The following CHN2 variants were observed in gnomAD, a reference collection of about 807,000 sequenced individuals.
The protein encoded by CHN2 is chimerin 2.
In CHN2, 35 loss-of-function variants were observed where a neutral mutation model predicts 56.3. The observed-to-expected ratio is 0.62, with a 90% CI of 0.47 to 0.82. CHN2 has a LOEUF of 0.82. Ranked by LOEUF, CHN2 falls within the 40% of genes least tolerant of loss-of-function variation. The pLI is 0.00. For missense variants in CHN2, 491 were observed against 580.5 expected (o/e 0.85, Z 1.58); for synonymous variants, 210 against 212.8 (o/e 0.99, Z 0.12).
At chr7:29,417,963 AG>A (rs1011403862) in intron 6 of CHN2, among the ~76,000 whole-genome samples, 1 of 152,148 alleles carries the variant, frequency 6.6e-6, no homozygotes, top group African/African-American at 2.4e-5. Context: ...AGCACATGTG[AG>A]GCTGGAGAGT....
At chr7:29,317,734 G>A (rs1344202481) in intron 1 of CHN2, among the ~76,000 whole-genome samples, 2 of 152,094 alleles carry the variant, frequency 1.3e-5, no homozygotes, top group Non-Finnish European at 2.9e-5. Flanking sequence ...AATTGAAGTG[G>A]GACATATGAG....
chr7:29,280,336 A>G (rs1791593520), intron 1 of CHN2, among the ~76,000 whole-genome samples: 1 of 152,036 alleles, frequency 6.6e-6, no homozygotes, highest in Non-Finnish European at 1.5e-5. Flanking sequence ...GTGAGCTGAG[A>G]TCACACCACT....
chr7:29,279,181 T>A (rs1490209501), intron 1 of CHN2, among the ~76,000 whole-genome samples: 5 of 152,194 alleles, frequency 3.3e-5, no homozygotes, highest in Non-Finnish European at 7.3e-5. Flanking sequence ...ATTTACAGAG[T>A]TGAAAGGGCA....
intron 6 of CHN2, among the ~76,000 whole-genome samples, chr7:29,429,840 A>G (rs142968307): frequency 4.7e-4 from 72 of 152,324 alleles, no homozygotes; most frequent in African/African-American, 1.7e-3. Flanking sequence ...TGTGCTTTAT[A>G]TGGACTTTAT....
At chr7:29,250,426 C>T (rs1460808816) in intron 1 of CHN2, among the ~76,000 whole-genome samples, 4 of 152,144 alleles carry the variant, frequency 2.6e-5, no homozygotes, top group Non-Finnish European at 4.4e-5. Flanking sequence ...GGAGATTAAC[C>T]TAGTTATGCT....
intron 6 of CHN2, among the ~76,000 whole-genome samples, chr7:29,473,613 C>T (rs916024113): frequency 4.6e-5 from 7 of 151,602 alleles, no homozygotes; most frequent in South Asian, 2.1e-4. Context: ...ACCTGTGTAC[C>T]GATCAGAAAT....
At chr7:29,439,459 T>C (rs1212395421) in intron 6 of CHN2, among the ~76,000 whole-genome samples, 1 of 152,202 alleles carries the variant, frequency 6.6e-6, no homozygotes, top group South Asian at 2.1e-4. Context: ...TGGGGTCTTC[T>C]TCCCCACAAG....
intron 6 of CHN2, among the ~76,000 whole-genome samples, chr7:29,470,379 C>T (rs1027789195): frequency 6.6e-6 from 1 of 152,214 alleles, no homozygotes; most frequent in African/African-American, 2.4e-5. Flanking sequence ...TGAGCAGTAT[C>T]AGCTGCACAG....
rs189471613 is a variant in CHN2, at chr7:29,409,532, C to T, written c.576+8704C>T. Among the ~76,000 whole-genome samples the T allele has an allele frequency of 1.2e-3, 180 of 152,274 alleles. 1 individual carries two copies. Among genetic ancestry groups the T allele is most frequent in the Non-Finnish European group, 1.7e-3 (118 of 68,034 alleles). ...AGACAGCTGGCTTCTCACATCTGCT[C>T]CTGTATTCAACCTGGGATATATTGT... On this transcript the variant is annotated intron_variant, in intron 6 of 12. Coordinates refer to ENST00000222792, the MANE Select transcript of CHN2 (RefSeq NM_004067.4).
chr7:29,214,592 A>G (rs1785202799), intron 1 of CHN2, among the ~76,000 whole-genome samples: 2 of 152,188 alleles, frequency 1.3e-5, no homozygotes, highest in South Asian at 2.1e-4. Context: ...AATCTTCACC[A>G]ACAGTTTATT....
At chr7:29,447,881 G>A (rs1784138735) in intron 6 of CHN2, among the ~76,000 whole-genome samples, 2 of 152,172 alleles carry the variant, frequency 1.3e-5, no homozygotes, top group South Asian at 2.1e-4. Flanking sequence ...ACAACCCTGG[G>A]TGCATATTAG....
chr7:29,219,936 G>A lies in CHN2; in HGVS notation c.49+24946G>A, dbSNP rs184293568. ...TAAAAATACAAAAAATTAGCTGGGC[G>A]TGGTGGCACACGCCTATAGTCCCAG... On this transcript the variant is annotated intron_variant, in intron 1 of 12. Coordinates refer to ENST00000222792, the MANE Select transcript of CHN2 (RefSeq NM_004067.4). Among the ~76,000 whole-genome samples the A allele has an allele frequency of 1.5e-3, 234 of 152,130 alleles. 1 individual carries two copies. The highest frequency in any genetic ancestry group is 5.2e-3 in the African/African-American group (217 of 41,488).
intron 1 of CHN2, among the ~76,000 whole-genome samples, chr7:29,317,948 C>T (rs1167815938): frequency 6.6e-6 from 1 of 152,166 alleles, no homozygotes; most frequent in Non-Finnish European, 1.5e-5. Flanking sequence ...AGTGCCACTG[C>T]ACTCCAGCCT....
intron 1 of CHN2, among the ~76,000 whole-genome samples, chr7:29,225,059 C>G (rs1786086686): frequency 6.6e-6 from 1 of 152,218 alleles, no homozygotes; most frequent in Non-Finnish European, 1.5e-5. Context: ...TTGACACCTC[C>G]ATTTTCAATC....
chr7:29,445,036 G>A, intron 6 of CHN2: 1 of 437,520 alleles, frequency 2.3e-6, no homozygotes, highest in Non-Finnish European at 4.6e-6. Flanking sequence ...AGAGACAGAG[G>A]CTACGCAAAA....
At chr7:29,348,004 T>A (rs17687957) in intron 1 of CHN2, among the ~76,000 whole-genome samples, 1 of 152,244 alleles carries the variant, frequency 6.6e-6, no homozygotes. Context: ...TGCTTTTTTT[T>A]CCCCCTCAGG....
intron 1 of CHN2, among the ~76,000 whole-genome samples, chr7:29,237,649 G>A (rs1460826319): frequency 6.6e-6 from 1 of 152,222 alleles, no homozygotes; most frequent in East Asian, 1.9e-4. Flanking sequence ...AGACAGGAAA[G>A]GAGGTTGCAG....
intron 6 of CHN2, among the ~76,000 whole-genome samples, chr7:29,444,089 T>C (rs1190753645): frequency 1.3e-5 from 2 of 152,220 alleles, no homozygotes. Flanking sequence ...ATTATAAATT[T>C]TATTTATGCT....
chr7:29,304,236 G>A (rs1793956793), intron 1 of CHN2, among the ~76,000 whole-genome samples: 3 of 152,134 alleles, frequency 2.0e-5, no homozygotes, highest in Admixed American at 2.0e-4. Context: ...AAGTGTAGAG[G>A]ACATAAATTA....
Sources: allele counts gnomAD v4.1 joint callset (sites outside exome capture counted in the v4.1 genomes callset), GRCh38; gene constraint gnomAD v4.1.1; transcripts MANE v1.5; gene names NCBI Gene and HGNC (gene_info 2026-07-23, HGNC 2026-07-21).